Variants in ATP8B3 observed in about 807,000 individuals in gnomAD.
ATP8B3 encodes the protein ATPase phospholipid transporting 8B3, also known as phospholipid-transporting ATPase IK.
Under a neutral mutation model 140.9 loss-of-function variants are expected in ATP8B3, and 141 were observed. The ratio of observed to expected loss-of-function variants is 1.00; its 90% CI spans 0.87 to 1.15. The LOEUF is 1.15. Among genes scored for constraint, ATP8B3 ranks in the 50% most tolerant of loss-of-function variants. ATP8B3 has a pLI of 0.00. For missense variants in ATP8B3, 1,874 were observed against 1,740.6 expected (o/e 1.08, Z -1.36); for synonymous variants, 765 against 714.6 (o/e 1.07, Z -1.13).
rs998656940 is a variant in ATP8B3, at chr19:1,785,197, C to G, written c.3494G>C (p.Trp1165Ser). 6.2e-7 allele frequency: 1 copy of G among 1,602,318 alleles called. No individual in the cohort carries two copies. Among genetic ancestry groups the G allele is most frequent in the Non-Finnish European group, 8.5e-7 (1 of 1,174,722 alleles). ...GGTCGTGGGGGATACTCTGAAGAGC[C>G]AGAAGCTCTGGGTGGTGGTAGTCAT... ...AIMTTTTQSF[W>S]LFRVSPTTFP... is the part of the protein sequence containing the mutation. Residue 1165 changes from tryptophan (W) to serine (S), a missense_variant, in exon 27 of 29, where the codon TGG (tryptophan) becomes TCG (serine). By Grantham distance (177) the Trp-to-Ser change is radical (BLOSUM62 -3). This residue lies in a region of ATP8B3 where 840 missense variants were observed against 760.9 expected (regional missense o/e 1.10). Coordinates refer to ENST00000310127, the MANE Select transcript of ATP8B3 (RefSeq NM_138813.4).
chr19:1,785,057 C>A (rs1007707870), intron 27 of ATP8B3, 102 bp downstream of exon 27: 2 of 1,489,652 alleles, frequency 1.3e-6, no homozygotes, highest in East Asian at 2.4e-5. Context: ...GCGCCTTCCC[C>A]AGGACACTTT....
chr19:1,790,060 G>T, intron 21 of ATP8B3, 71 bp from the exon 22 acceptor site: 1 of 1,198,930 alleles, frequency 8.3e-7, no homozygotes, highest in Non-Finnish European at 1.2e-6. Flanking sequence ...GGGCTCCACT[G>T]CCCCTCCCAC....
In ATP8B3 at chr19:1,789,760, C is replaced by T. The variant is rs377050477; in HGVS notation, c.2479-33G>A. On this transcript the variant is annotated intron_variant, in intron 22 of 28. Transcript: ENST00000310127. ...GCGGGGAGGGGGCTGTGCCAGGCGC[C>T]GTGGCCTCCAGGCCAGACTGGACCC... 5.0e-4 allele frequency: 763 copies of T among 1,540,658 alleles called. 3 individuals carry two copies. The African/African-American group carries it at 7.6e-3, about 15-fold the overall frequency.
intron 25 of ATP8B3, among the ~76,000 whole-genome samples, chr19:1,786,425 G>A (rs1214971459): frequency 6.6e-6 from 1 of 152,068 alleles, no homozygotes; most frequent in African/African-American, 2.4e-5. Context: ...AATTAGCCGG[G>A]CATGGTGGTG....
chr19:1,790,868 G>T (rs536826216), intron 20 of ATP8B3, 36 bp from the exon 21 acceptor site: 50 of 1,292,442 alleles, frequency 3.9e-5, no homozygotes, highest in Non-Finnish European at 4.3e-5. Context: ...TCTGCGACCC[G>T]CCCCGCACTG....
In ATP8B3 at chr19:1,806,416, C is replaced by G; in HGVS notation, c.677+212G>C. 6.9e-7 allele frequency: 1 copy of G among 1,446,890 alleles called. No homozygotes were observed. The highest frequency in any genetic ancestry group is 1.5e-5 in the South Asian group (1 of 68,272). 89.6% of individuals were successfully genotyped at this position (1,446,890 alleles called of 1,614,324 possible). ...TTCCTTGTCCTCCCCATCGCCCGAG[C>G]CCTAAGCTCTGCAAGGGTTCGCCAT... On this transcript the variant is annotated intron_variant, in intron 7 of 28. Coordinates refer to ENST00000310127, the MANE Select transcript of ATP8B3 (RefSeq NM_138813.4). The surrounding 1 kb of genome is among the most constrained non-coding windows in gnomAD (Gnocchi z 5.6).
In ATP8B3 at chr19:1,800,076, C is replaced by T. The variant is rs1319786837; in HGVS notation, c.1423G>A (p.Ala475Thr). The change falls in exon 14 of 29, where the codon GCC (alanine) becomes ACC (threonine). Residue 475 changes from alanine (A) to threonine (T), a missense_variant. Around this residue, in one of 3 missense-constraint regions of ATP8B3, gnomAD observed 1,032 missense variants for 963.6 expected, o/e 1.07. Transcript: ENST00000310127. The surrounding 1 kb of genome is among the most constrained non-coding windows in gnomAD (Gnocchi z 4.4). ...TTGAGGCTGGTGCTGCGGGCCTTGG[C>T]AGGCACGTCCTGCGGCTTGTAGTAC... ...QMYYKPQDVP[A>T]KARSTSLNDH... 3.8e-6 allele frequency: 6 copies of T among 1,583,960 alleles called. No homozygotes were observed. In the East Asian group the frequency reaches 1.4e-4, roughly 36 times the overall value.
chr19:1,785,628 G>A lies in ATP8B3; in HGVS notation c.3234C>T (p.Val1078=). 1 of 1,613,320 alleles carries A rather than the reference G, an allele frequency of 6.2e-7. No homozygotes were observed. The highest frequency in any genetic ancestry group is 8.5e-7 in the Non-Finnish European group (1 of 1,179,880). The stretch of plus-strand genomic sequence containing the variant: ...CACCATGGGCGATGGCTTGGACGAA[G>A]ACCCAGTAGTTGAAGAGCTCGTCCT... ...GQKDELFNYW[V]FVQAIAHGVT... The change falls in exon 26 of 29, where the codon GTC becomes GTT. Residue 1078 remains valine, a synonymous_variant. Transcript: ENST00000310127.
Position 1,805,284 on chromosome 19 carries a change from T to C in ATP8B3, c.904+90A>G. The C allele has an allele frequency of 7.5e-7, 1 of 1,332,156 alleles. No individual in the cohort carries two copies. Among genetic ancestry groups the C allele is most frequent in the South Asian group, 1.3e-5 (1 of 79,398 alleles). The allele number at this position is 1,332,156 out of a possible 1,614,324, so 82.5% of individuals were successfully genotyped here. On this transcript the variant is annotated intron_variant, in intron 10 of 28. Transcript: ENST00000310127. The surrounding 1 kb of genome is among the most constrained non-coding windows in gnomAD (Gnocchi z 5.2). The stretch of plus-strand genomic sequence containing the variant: ...GCCACTGGGCCTGGCCAGCACCTTG[T>C]TTTAAAAACAGTAATAACAACAACA...
intron 2 of ATP8B3, 56 bp downstream of exon 2, chr19:1,811,433 C>T: frequency 1.3e-6 from 2 of 1,560,086 alleles, no homozygotes; most frequent in South Asian, 2.4e-5. Flanking sequence ...CTAGCAGTGC[C>T]CTCCCCGCCA....
rs574257766 is a variant in ATP8B3 at position 1,782,224 on chromosome 19, T to G, written c.*804A>C. ...TCCCAGGAAGGACATCTTCCTGATA[T>G]GCCAGCGTGACTCCTTTGGGCTCGA... On this transcript the variant is annotated 3_prime_UTR_variant, in exon 29 of 29. Transcript: ENST00000310127. 1 of 301,090 alleles carries G rather than the reference T, an allele frequency of 3.3e-6. No homozygotes were observed. The highest frequency in any genetic ancestry group is 6.3e-6 in the Non-Finnish European group (1 of 157,634). The allele number at this position is 301,090 out of a possible 1,614,324, so 18.7% of individuals were successfully genotyped here.
intron 14 of ATP8B3, 64 bp from the exon 15 acceptor site, chr19:1,797,069 C>T (rs1224647210): frequency 1.9e-6 from 3 of 1,608,254 alleles, no homozygotes; most frequent in Middle Eastern, 1.7e-4. Context: ...TCCCATAGCC[C>T]CTGACCCCTA....
intron 18 of ATP8B3, among the ~76,000 whole-genome samples, chr19:1,793,618 C>T (rs2068582089): frequency 6.6e-6 from 1 of 152,248 alleles, no homozygotes; most frequent in Non-Finnish European, 1.5e-5. Context: ...AGAGAGCAGG[C>T]ACCCCAAGGG....
At chr19:1,803,111 A>C (rs778729815) in intron 10 of ATP8B3, among the ~76,000 whole-genome samples, 4 of 152,162 alleles carry the variant, frequency 2.6e-5, no homozygotes, top group Non-Finnish European at 5.9e-5. Flanking sequence ...CGCCTGATCG[A>C]TGAGCCTCCT....
rs1233924464 is a variant in ATP8B3, at chr19:1,789,112, C to T, written c.2854G>A (p.Val952Met). Reference sequence around the variant, plus strand: ...TCCTGGCCCGCCAGCCCCACGCCCACGTCCGCGGCTGCAGGGCACAAGCAG... The same window carrying T: ...TCCTGGCCCGCCAGCCCCACGCCCATGTCCGCGGCTGCAGGGCACAAGCAG... ...NDINMIKTAD[V>M]GVGLAGQEGM... is the part of the protein sequence containing the mutation. The change falls in exon 24 of 29, where the codon GTG (valine) becomes ATG (methionine). Residue 952 changes from valine to methionine, a missense_variant. By Grantham distance (21) the Val-to-Met change is conservative. Around this residue, in one of 3 missense-constraint regions of ATP8B3, gnomAD observed 840 missense variants for 760.9 expected, o/e 1.10. Transcript: ENST00000310127. 2 of 1,586,602 alleles carry T rather than the reference C, an allele frequency of 1.3e-6. No homozygotes were observed. Among genetic ancestry groups the T allele is most frequent in the Non-Finnish European group, 1.7e-6 (2 of 1,171,910 alleles).
At position 1,804,337 on chromosome 19, in the gene ATP8B3, C is replaced by T. The variant is rs189472527; in HGVS notation, c.904+1037G>A. 4.6e-3 allele frequency among the ~76,000 whole-genome samples: 694 copies of T among 152,102 alleles called. 9 individuals carry two copies. Among genetic ancestry groups the T allele is most frequent in the African/African-American group, 0.014 (565 of 41,482 alleles). On this transcript the variant is annotated intron_variant, in intron 10 of 28. Coordinates refer to ENST00000310127, the MANE Select transcript of ATP8B3 (RefSeq NM_138813.4). ...GATGAAACCCCGTCTCGGCCGGGTGCGGTGGCTCATGCCTGTAATCCCAAC... is the reference window on the plus strand; with the variant it reads ...GATGAAACCCCGTCTCGGCCGGGTGTGGTGGCTCATGCCTGTAATCCCAAC...
At position 1,787,029 on chromosome 19, in the gene ATP8B3, G is replaced by A. The variant is rs75619190; in HGVS notation, c.3153+74C>T. ...AAGGTCTCCCAGGCTCCCTCTCCCC[G>A]CCCCAAGGAGCGGAGGAGAGGAGGA... On this transcript the variant is annotated intron_variant, in intron 25 of 28. Transcript: ENST00000310127. 1.9e-4 allele frequency: 268 copies of A among 1,386,064 alleles called. 2 individuals are homozygous for A. The African/African-American group carries it at 2.6e-3, about 14-fold the overall frequency. The allele number at this position is 1,386,064 out of a possible 1,614,324, so 85.9% of individuals were successfully genotyped here. A position where few individuals can be genotyped will look rare whatever the true frequency, so the allele number is the denominator to read the frequency against.
rs1160525103 is a variant in ATP8B3, at chr19:1,805,192, C to A, written c.904+182G>T. 4.5e-6 allele frequency: 3 copies of A among 672,172 alleles called. No homozygotes were observed. The highest frequency in any genetic ancestry group is 5.4e-6 in the Non-Finnish European group (2 of 369,446). 41.6% of individuals were successfully genotyped at this position (672,172 alleles called of 1,614,324 possible). Reference sequence around the variant, plus strand: ...GTCTCGTTATGTTGTCCAGGCTGGTCTTGAATTCCTGGGCTGAAGTGATTC... The same window carrying A: ...GTCTCGTTATGTTGTCCAGGCTGGTATTGAATTCCTGGGCTGAAGTGATTC... On this transcript the variant is annotated intron_variant, in intron 10 of 28. Coordinates refer to ENST00000310127, the MANE Select transcript of ATP8B3 (RefSeq NM_138813.4). This position sits in a 1 kb window ranked among gnomAD's most constrained non-coding sequence, Gnocchi z 5.2.
At position 1,782,824 on chromosome 19, in the gene ATP8B3, T is replaced by A. The variant is rs878996471; in HGVS notation, c.*204A>T. 2 of 651,302 alleles carry A rather than the reference T, an allele frequency of 3.1e-6. No individual in the cohort carries two copies. Among genetic ancestry groups the A allele is most frequent in the South Asian group, 3.9e-5 (2 of 51,196 alleles). The allele number at this position is 651,302 out of a possible 1,614,324, so 40.3% of individuals were successfully genotyped here. On this transcript the variant is annotated 3_prime_UTR_variant, in exon 29 of 29. Coordinates refer to ENST00000310127, the MANE Select transcript of ATP8B3 (RefSeq NM_138813.4). Reference sequence around the variant, plus strand: ...ATGACCTCTCCTGTGCCCTTGGCAATTGCTCTTGGAAAGACTCAGATAGCC... The same window carrying A: ...ATGACCTCTCCTGTGCCCTTGGCAAATGCTCTTGGAAAGACTCAGATAGCC...
Sources: allele counts gnomAD v4.1 joint callset (sites outside exome capture counted in the v4.1 genomes callset), GRCh38; gene constraint gnomAD v4.1.1; regional missense constraint gnomAD v4.1.1; non-coding constraint Gnocchi (gnomAD v3.1); transcripts MANE v1.5; gene names NCBI Gene and HGNC (gene_info 2026-07-23, HGNC 2026-07-21).